The following NSMAF variants were observed in gnomAD, a reference collection of about 807,000 sequenced individuals.
NSMAF encodes the protein neutral sphingomyelinase activation associated factor, also known as protein FAN.
NSMAF carries 90 observed loss-of-function variants against 134.9 expected under a neutral mutation model. That is an observed-to-expected ratio of 0.67 (90% CI 0.56 to 0.79). The LOEUF (loss-of-function observed/expected upper bound fraction) is 0.79, where lower values mean the gene tolerates loss of function less well. NSMAF is among the 30% of genes least tolerant of loss of function. NSMAF has a pLI of 0.00. For synonymous variants in NSMAF, 358 were observed against 389.6 expected, an observed-to-expected ratio of 0.92 and a Z score of 0.96; for missense variants, 1,010 against 1,119.0, an observed-to-expected ratio of 0.90 and a Z score of 1.39.
intron 23 of NSMAF, among the ~76,000 whole-genome samples, chr8:58,591,172 T>C (rs1408011332): frequency 6.6e-6 from 1 of 152,180 alleles, no homozygotes; most frequent in Non-Finnish European, 1.5e-5. Flanking sequence ...AGCACAGACA[T>C]GGTAGGTATA....
chr8:58,650,869 G>GC (rs1807566858), intron 1 of NSMAF, among the ~76,000 whole-genome samples: 1 of 152,184 alleles, frequency 6.6e-6, no homozygotes. Context: ...AAGCATTTCA[G>GC]CCAGTATCTC....
intron 10 of NSMAF, among the ~76,000 whole-genome samples, chr8:58,608,113 A>G (rs1806449149): frequency 6.6e-6 from 1 of 152,200 alleles, no homozygotes; most frequent in Non-Finnish European, 1.5e-5. Context: ...ATTTCAGGTT[A>G]GTTTGGGGTG....
chr8:58,642,650 T>G (rs1476096199), intron 2 of NSMAF, among the ~76,000 whole-genome samples: 2 of 152,172 alleles, frequency 1.3e-5, no homozygotes, highest in Non-Finnish European at 2.9e-5. Context: ...GCTTAAGATA[T>G]CTACAACCCC....
chr8:58,628,895 C>T (rs1806996346), intron 6 of NSMAF, among the ~76,000 whole-genome samples: 1 of 152,164 alleles, frequency 6.6e-6, no homozygotes, highest in Admixed American at 6.5e-5. Context: ...GACCTGCAAG[C>T]TTTCTGGTGA....
In NSMAF at chr8:58,601,542, T is replaced by TAAAAA; in HGVS notation, c.1126-8_1126-7insTTTTT. On this transcript the variant is annotated splice_polypyrimidine_tract_variant and splice_region_variant and intron_variant, in intron 14 of 30. Transcript: ENST00000038176. ...GCATTTCCTGGTAGCGTGTCTAGAA[T>TAAAAA]ACAGAAAAAAAAAAAAAATAGAGCT... 1.3e-5 allele frequency: 16 copies of TAAAAA among 1,236,720 alleles called. No homozygotes were observed. Among genetic ancestry groups the TAAAAA allele is most frequent in the South Asian group, 9.3e-5 (5 of 53,824 alleles). 76.6% of individuals were successfully genotyped at this position (1,236,720 alleles called of 1,614,324 possible).
intron 21 of NSMAF, 110 bp from the exon 22 acceptor site, chr8:58,595,769 C>A: frequency 1.4e-6 from 1 of 701,940 alleles, no homozygotes; most frequent in South Asian, 1.6e-5. Context: ...AATGAAACAC[C>A]CTGTCACAAT....
chr8:58,659,685 G>A lies in NSMAF; in HGVS notation c.-54C>T, dbSNP rs1807819285. Reference sequence around the variant, plus strand: ...GCACAGGCAGGCCCCGCCGCCGCCTGCCGAGGAGGTCCGGAGGAGCCGGGG... The same window carrying A: ...GCACAGGCAGGCCCCGCCGCCGCCTACCGAGGAGGTCCGGAGGAGCCGGGG... On this transcript the variant is annotated 5_prime_UTR_variant, in exon 1 of 31. Coordinates refer to ENST00000038176, the MANE Select transcript of NSMAF (RefSeq NM_003580.4). The A allele has an allele frequency of 1.5e-6, 2 of 1,324,490 alleles. No individual in the cohort carries two copies. The highest frequency in any genetic ancestry group is 1.9e-5 in the South Asian group (1 of 51,346). 82.0% of individuals were successfully genotyped at this position (1,324,490 alleles called of 1,614,324 possible).
At chr8:58,599,656 T>C (rs1806228823) in intron 18 of NSMAF, 94 bp downstream of exon 18, 37 of 1,376,812 alleles carry the variant, frequency 2.7e-5, no homozygotes, top group Non-Finnish European at 3.4e-5. Flanking sequence ...AATTATATTG[T>C]GATTTTTAAA....
intron 1 of NSMAF, among the ~76,000 whole-genome samples, chr8:58,651,768 A>G (rs1311241611): frequency 2.0e-5 from 3 of 152,256 alleles, no homozygotes. Flanking sequence ...GCAGCGCTTC[A>G]CAAAGGTTAG....
At chr8:58,651,824 G>A (rs1807588947) in intron 1 of NSMAF, among the ~76,000 whole-genome samples, 1 of 152,204 alleles carries the variant, frequency 6.6e-6, no homozygotes, top group African/African-American at 2.4e-5. Context: ...CACATTCCAA[G>A]GCAGCAGCTT....
Position 58,607,835 on chromosome 8 carries a change from A to T in NSMAF, c.693T>A (p.Pro231=). The T allele has an allele frequency of 6.2e-7, 1 of 1,613,662 alleles. No individual in the cohort carries two copies. The highest frequency in any genetic ancestry group is 1.3e-5 in the African/African-American group (1 of 75,046). Residue 231 remains proline, a synonymous_variant, in exon 11 of 31, where the codon CCT becomes CCA. Transcript: ENST00000038176. The stretch of plus-strand genomic sequence containing the variant: ...CATCTTGGAGTGTTATCTGGACCAC[A>T]GGTTTCTTTAAAAGTAGAAAGACAA... ...YFQPLNGYPK[P]VVQITLQDVR...
In NSMAF at chr8:58,623,191, C is replaced by G. The variant is rs776709662; in HGVS notation, c.557+29G>C. The G allele has an allele frequency of 1.2e-5, 18 of 1,546,642 alleles. No homozygotes were observed. The East Asian group carries it at 4.0e-4, about 35-fold the overall frequency. On this transcript the variant is annotated intron_variant, in intron 9 of 30. Transcript: ENST00000038176. ...ACAGATGAAAATGTCCACCACTTTT[C>G]TAATTAGGAAAGATCATTAGAAACT...
chr8:58,612,461 G>A (rs1200623548), intron 9 of NSMAF, among the ~76,000 whole-genome samples: 1 of 152,102 alleles, frequency 6.6e-6, no homozygotes, highest in Non-Finnish European at 1.5e-5. Context: ...CTGTTCATCT[G>A]TACCCTTTAT....
rs1432856836 is a variant in NSMAF at position 58,605,902 on chromosome 8, A to G, written c.868+25T>C. The G allele has an allele frequency of 2.6e-6, 4 of 1,531,044 alleles. No homozygotes were observed. In the African/African-American group the frequency reaches 4.3e-5, roughly 16 times the overall value. 94.8% of individuals were successfully genotyped at this position (1,531,044 alleles called of 1,614,324 possible). ...CTCCAAAAAAAAAAAAAAAAGAAAG[A>G]AACAATGAAGGGTGAGCGCCAAACC... On this transcript the variant is annotated intron_variant, in intron 12 of 30. Coordinates refer to ENST00000038176, the MANE Select transcript of NSMAF (RefSeq NM_003580.4).
chr8:58,602,750 G>A (rs1401648523), intron 13 of NSMAF, among the ~76,000 whole-genome samples: 1 of 152,008 alleles, frequency 6.6e-6, no homozygotes, highest in Non-Finnish European at 1.5e-5. Flanking sequence ...ATACCCCAAA[G>A]GTAAAGTGGT....
At chr8:58,618,132 C>T (rs1232246620) in intron 9 of NSMAF, among the ~76,000 whole-genome samples, 2 of 151,914 alleles carry the variant, frequency 1.3e-5, no homozygotes, top group South Asian at 2.1e-4. Flanking sequence ...GGACACAGGG[C>T]GAGGAACATC....
intron 6 of NSMAF, among the ~76,000 whole-genome samples, chr8:58,628,821 AT>A (rs1283480521): frequency 1.3e-5 from 2 of 151,912 alleles, no homozygotes; most frequent in African/African-American, 4.8e-5. Context: ...GTTGGCAGGC[AT>A]TTTTATTTGT....
intron 12 of NSMAF, among the ~76,000 whole-genome samples, chr8:58,605,557 ATT>A (rs1421133905): frequency 6.6e-6 from 1 of 152,186 alleles, no homozygotes; most frequent in African/African-American, 2.4e-5. Context: ...ATTTCCCAGA[ATT>A]TTAAAAATAT....
In NSMAF at chr8:58,625,779, T is replaced by A. The variant is rs1230236869; in HGVS notation, c.385-1999A>T. Among the ~76,000 whole-genome samples the A allele has an allele frequency of 2.0e-5, 3 of 152,224 alleles. 1 individual carries two copies. Among genetic ancestry groups the A allele is most frequent in the African/African-American group, 7.2e-5 (3 of 41,462 alleles). Reference sequence around the variant, plus strand: ...TGATTGGGGAGTTTGATATACTTAATTATTGATAGGGAAGGACTTACTGTT... The same window carrying A: ...TGATTGGGGAGTTTGATATACTTAAATATTGATAGGGAAGGACTTACTGTT... On this transcript the variant is annotated intron_variant, in intron 6 of 30. Coordinates refer to ENST00000038176, the MANE Select transcript of NSMAF (RefSeq NM_003580.4).
Sources: gnomAD v4.1 joint callset for allele counts (sites outside exome capture counted in the v4.1 genomes callset) on GRCh38, gnomAD v4.1.1 for gene constraint, MANE v1.5 for transcripts, NCBI Gene and HGNC (gene_info 2026-07-23, HGNC 2026-07-21) for gene names.